ARHGEF37: variants seen among roughly 807,000 people sequenced by gnomAD.
ARHGEF37 encodes Rho guanine nucleotide exchange factor (GEF) 37.
A neutral mutation model predicts 71.1 loss-of-function variants in ARHGEF37; 55 were observed. The observed-to-expected ratio is 0.77, with a 90% CI of 0.62 to 0.97. The LOEUF (loss-of-function observed/expected upper bound fraction) is 0.97. Ranked by LOEUF, ARHGEF37 falls within the 50% of genes least tolerant of loss-of-function variation. The pLI is 0.00. For missense variants in ARHGEF37, 765 were observed against 836.8 expected (o/e 0.91, Z 1.06); for synonymous variants, 327 against 350.6 (o/e 0.93, Z 0.75).
In ARHGEF37 at chr5:149,570,121, G is replaced by A. The variant is rs935530397; in HGVS notation, c.-12+17998G>A. Among the ~76,000 whole-genome samples, 39 of 152,158 alleles carry A rather than the reference G, an allele frequency of 2.6e-4. 3 individuals are homozygous for A. The highest frequency in any genetic ancestry group is 2.1e-4 in the South Asian group (1 of 4,816). ...ATGAAGTGAAATTTTCTCTAGTCAC[G>A]GATGATATGATTTTGTACATAGGAA... On this transcript the variant is annotated intron_variant, in intron 1 of 2. Coordinates refer to the ARHGEF37 transcript ENST00000505810.
chr5:149,557,739 A>G (rs535370210), intron 1 of ARHGEF37, among the ~76,000 whole-genome samples: 1 of 152,250 alleles, frequency 6.6e-6, no homozygotes, highest in South Asian at 2.1e-4. Context: ...TGTATTGCTT[A>G]CTTTTTATGG....
intron 12 of ARHGEF37, among the ~76,000 whole-genome samples, chr5:149,629,520 G>A (rs774677940): frequency 6.6e-6 from 1 of 152,150 alleles, no homozygotes; most frequent in African/African-American, 2.4e-5. Context: ...GGGTGTACTG[G>A]GGTGCAGATG....
intron 1 of ARHGEF37, among the ~76,000 whole-genome samples, chr5:149,572,647 G>A (rs1268459692): frequency 6.6e-6 from 1 of 152,126 alleles, no homozygotes; most frequent in Non-Finnish European, 1.5e-5. Flanking sequence ...AAGTGTTTTT[G>A]GATGAGATTA....
chr5:149,583,161 C>T (rs1242566850), intron 1 of ARHGEF37, among the ~76,000 whole-genome samples: 1 of 152,198 alleles, frequency 6.6e-6, no homozygotes, highest in Non-Finnish European at 1.5e-5. Context: ...TTGTTTTAGA[C>T]GAAGTCTCGC....
At chr5:149,630,515 T>G (rs1320564893) in intron 12 of ARHGEF37, among the ~76,000 whole-genome samples, 2 of 152,100 alleles carry the variant, frequency 1.3e-5, no homozygotes, top group Non-Finnish European at 2.9e-5. Flanking sequence ...TCTGCTCTAG[T>G]GCTTGTGCCA....
In ARHGEF37 at chr5:149,564,551, G is replaced by A. The variant is rs150137207; in HGVS notation, c.-12+12428G>A. On this transcript the variant is annotated intron_variant, in intron 1 of 2. Transcript: ENST00000505810. ...TAAAAACAGACATCCTCGGCCGGGC[G>A]CGGTGGCTCCCGCCTGTAATTCCAG... 7.7e-3 allele frequency among the ~76,000 whole-genome samples: 1,166 copies of A among 152,222 alleles called. 9 individuals carry two copies. Among genetic ancestry groups the A allele is most frequent in the Non-Finnish European group, 0.013 (863 of 68,010 alleles).
chr5:149,598,374 CTT>C, intron 2 of ARHGEF37, among the ~76,000 whole-genome samples: 1 of 109,804 alleles, frequency 9.1e-6, no homozygotes, highest in African/African-American at 3.1e-5. Context: ...TCTTCTTCCT[CTT>C]CCTCTTCTTC....
At chr5:149,582,439 G>A (rs1763128304) in intron 1 of ARHGEF37, among the ~76,000 whole-genome samples, 2 of 152,198 alleles carry the variant, frequency 1.3e-5, no homozygotes, top group African/African-American at 4.8e-5. Context: ...TGTGATCCAG[G>A]AAGCATAGTT....
intron 10 of ARHGEF37, among the ~76,000 whole-genome samples, chr5:149,626,699 G>C (rs1752694567): frequency 6.6e-6 from 1 of 152,188 alleles, no homozygotes; most frequent in Non-Finnish European, 1.5e-5. Context: ...AATAAGGTCT[G>C]GTGCCCACAT....
At position 149,616,621 on chromosome 5, in the gene ARHGEF37, G is replaced by C. The variant is rs1488004927; in HGVS notation, c.513G>C (p.Arg171Ser). ...LSFLLVIPLQ[R>S]ITRYPLLLQK... ...TCTTGCTGGTAATTCCTCTGCAGAG[G>C]ATCACCAGGTACCCACTGCTGCTGC... Residue 171 changes from arginine (R) to serine (S), a missense_variant, in exon 5 of 13, where the codon AGG becomes AGC. Physicochemically the swap from Arg to Ser is moderately radical, Grantham distance 110. Around this residue, in one of 5 missense-constraint regions of ARHGEF37, gnomAD observed 201 missense variants for 217.5 expected, o/e 0.92. Coordinates refer to ENST00000333677, the MANE Select transcript of ARHGEF37 (RefSeq NM_001001669.3). The C allele has an allele frequency of 6.2e-7, 1 of 1,612,826 alleles. No homozygotes were observed. The highest frequency in any genetic ancestry group is 8.5e-7 in the Non-Finnish European group (1 of 1,179,770).
At chr5:149,623,822 C>G (rs1752605451) in intron 9 of ARHGEF37, among the ~76,000 whole-genome samples, 190 bp from the exon 10 acceptor site, 1 of 152,184 alleles carries the variant, frequency 6.6e-6, no homozygotes, top group South Asian at 2.1e-4. Context: ...AATCTGGTGA[C>G]AAGCTGTGGC....
At chr5:149,555,144 A>AAAAG (rs1244317095) in intron 1 of ARHGEF37, among the ~76,000 whole-genome samples, 13 of 151,540 alleles carry the variant, frequency 8.6e-5, no homozygotes, top group East Asian at 1.9e-4. Flanking sequence ...AAAAAAAAAA[A>AAAAG]AAAGAAAGAA....
chr5:149,587,119 A>G (rs1329455562), intron 1 of ARHGEF37, among the ~76,000 whole-genome samples: 3 of 152,238 alleles, frequency 2.0e-5, no homozygotes, highest in Non-Finnish European at 4.4e-5. Flanking sequence ...ATTCACTCAT[A>G]TGAAAAAGGC....
At chr5:149,628,017 G>A (rs949092240) in intron 11 of ARHGEF37, among the ~76,000 whole-genome samples, 4 of 152,226 alleles carry the variant, frequency 2.6e-5, no homozygotes, top group Admixed American at 1.3e-4. Context: ...ACAAGATGAA[G>A]TTTTAAAAAG....
At chr5:149,586,354 C>T (rs534423669) in intron 1 of ARHGEF37, among the ~76,000 whole-genome samples, 3 of 152,306 alleles carry the variant, frequency 2.0e-5, no homozygotes, top group African/African-American at 7.2e-5. Flanking sequence ...TTCTGCCTCC[C>T]AGTTTCAAGT....
intron 1 of ARHGEF37, among the ~76,000 whole-genome samples, chr5:149,574,961 A>G (rs1763009181): frequency 6.6e-6 from 1 of 152,058 alleles, no homozygotes; most frequent in African/African-American, 2.4e-5. Flanking sequence ...TCTGGGATCC[A>G]TTTTCCACTC....
At chr5:149,563,140 CCT>C (rs1018624497) in intron 1 of ARHGEF37, among the ~76,000 whole-genome samples, 2 of 152,202 alleles carry the variant, frequency 1.3e-5, no homozygotes, top group African/African-American at 4.8e-5. Context: ...CGGTTACTCA[CCT>C]CTGTCTTCCT....
In ARHGEF37 at chr5:149,601,086, A is replaced by G. The variant is rs907759181; in HGVS notation, c.187-22A>G. 8.7e-6 allele frequency: 14 copies of G among 1,604,678 alleles called. 1 individual carries two copies. The highest frequency in any genetic ancestry group is 4.5e-5 in the East Asian group (2 of 44,584). ...TCTATGGAACTCCCAACCACCTCTC[A>G]TGGCTTCTTTGTTCCTTCCAGTTGC... On this transcript the variant is annotated intron_variant, in intron 2 of 12. Coordinates refer to ENST00000333677, the MANE Select transcript of ARHGEF37 (RefSeq NM_001001669.3).
intron 4 of ARHGEF37, among the ~76,000 whole-genome samples, chr5:149,613,803 A>C (rs1436266636): frequency 1.4e-5 from 2 of 144,588 alleles, no homozygotes; most frequent in African/African-American, 5.2e-5. Context: ...TCACTCTGTC[A>C]CCCAGGCTGG....
Sources: allele counts gnomAD v4.1 joint callset (sites outside exome capture counted in the v4.1 genomes callset), GRCh38; gene constraint gnomAD v4.1.1; regional missense constraint gnomAD v4.1.1; transcripts MANE v1.5; gene names NCBI Gene and HGNC (gene_info 2026-07-23, HGNC 2026-07-21).